JAK1: variants seen among roughly 807,000 people sequenced by gnomAD.
JAK1 encodes tyrosine-protein kinase JAK1.
JAK1 carries 16 observed loss-of-function variants against 136.6 expected under a neutral mutation model. The observed-to-expected ratio is 0.12, with a 90% CI of 0.08 to 0.18. The LOEUF is 0.18. Among genes scored for constraint, JAK1 ranks in the 10% least tolerant of loss-of-function variants. The probability of loss-of-function intolerance (pLI) is 1.00; values close to 1 mark genes in which losing one functional copy is unlikely to be tolerated. For missense variants in JAK1, 859 were observed against 1,450.1 expected (o/e 0.59, Z 6.62); for synonymous variants, 492 against 519.5 (o/e 0.95, Z 0.72).
In JAK1 at chr1:65,032,246, G is replaced by C. The variant is rs377349480; in HGVS notation, c.-78+12234C>G. ...CTCCCAAAGTGCTGGGATTACAGGCGTGAGCCACCACGCCCAGCCTAGATT... is the reference window on the plus strand; with the variant it reads ...CTCCCAAAGTGCTGGGATTACAGGCCTGAGCCACCACGCCCAGCCTAGATT... On this transcript the variant is annotated intron_variant, in intron 2 of 25. Transcript: ENST00000671954. 2.6e-5 allele frequency among the ~76,000 whole-genome samples: 4 copies of C among 151,804 alleles called. 1 individual carries two copies. The highest frequency in any genetic ancestry group is 7.3e-5 in the African/African-American group (3 of 41,312).
At chr1:65,049,918 C>T (rs1647239921) in intron 1 of JAK1, among the ~76,000 whole-genome samples, 1 of 152,112 alleles carries the variant, frequency 6.6e-6, no homozygotes, top group Non-Finnish European at 1.5e-5. Context: ...AGAGAAGTTC[C>T]CACAAAAGGT....
chr1:64,952,916 A>G (rs1646117175), intron 1 of JAK1, among the ~76,000 whole-genome samples: 1 of 152,232 alleles, frequency 6.6e-6, no homozygotes, highest in African/African-American at 2.4e-5. Context: ...ATCCTTTTAC[A>G]GATGAGGAAA....
intron 12 of JAK1, 130 bp from the exon 13 acceptor site, chr1:64,847,805 A>G: frequency 9.9e-7 from 1 of 1,008,580 alleles, no homozygotes; most frequent in South Asian, 1.7e-5. Flanking sequence ...TCCCTGCCCC[A>G]GCTCGTGGTC....
At chr1:65,058,772 T>C (rs1251673177) in intron 1 of JAK1, among the ~76,000 whole-genome samples, 2 of 152,228 alleles carry the variant, frequency 1.3e-5, no homozygotes, top group Non-Finnish European at 2.9e-5. Context: ...GTTTTCACTC[T>C]AATACATCAA....
chr1:64,929,261 T>C (rs562410251), intron 1 of JAK1, among the ~76,000 whole-genome samples: 24 of 152,358 alleles, frequency 1.6e-4, no homozygotes, highest in African/African-American at 5.3e-4. Flanking sequence ...TACATTATCA[T>C]CTGTCTTGCA....
intron 2 of JAK1, among the ~76,000 whole-genome samples, chr1:65,000,002 T>C (rs1646739338): frequency 6.6e-6 from 1 of 151,442 alleles, no homozygotes. Context: ...AGTTTTTTTT[T>C]TTTTTTTAAG....
At chr1:65,001,331 C>CCTCT (rs1646754454) in intron 2 of JAK1, among the ~76,000 whole-genome samples, 2 of 152,338 alleles carry the variant, frequency 1.3e-5, no homozygotes, top group Admixed American at 6.5e-5. Context: ...GCCCAGCCTC[C>CCTCT]GCCAGCAGAG....
chr1:64,895,207 G>A (rs1019395883), intron 1 of JAK1, among the ~76,000 whole-genome samples: 3 of 152,048 alleles, frequency 2.0e-5, no homozygotes, highest in Admixed American at 6.6e-5. Flanking sequence ...ATGATCCACC[G>A]TAAAAAATAT....
intron 1 of JAK1, among the ~76,000 whole-genome samples, chr1:64,949,080 T>A (rs1290461739): frequency 1.3e-5 from 2 of 152,184 alleles, no homozygotes; most frequent in African/African-American, 4.8e-5. Context: ...AGGCTCTTCA[T>A]ACCATGCTAA....
intron 11 of JAK1, among the ~76,000 whole-genome samples, chr1:64,851,855 A>C (rs937385944): frequency 3.3e-5 from 5 of 152,216 alleles, no homozygotes; most frequent in Non-Finnish European, 5.9e-5. Flanking sequence ...ATTTCCCTTC[A>C]CTTCCTCTTT....
intron 14 of JAK1, 128 bp from the exon 15 acceptor site, chr1:64,845,768 G>T: frequency 1.8e-6 from 2 of 1,132,032 alleles, no homozygotes; most frequent in Non-Finnish European, 2.6e-6. Context: ...CTTGGGGGGT[G>T]CAATGGTGCA....
intron 1 of JAK1, among the ~76,000 whole-genome samples, chr1:65,056,924 A>T (rs1013852865): frequency 1.7e-4 from 3 of 18,110 alleles, no homozygotes; most frequent in Admixed American, 1.0e-3. Context: ...CTCTTTCTTT[A>T]AAAAAAAAAA....
chr1:64,956,701 G>A (rs1287650956), intron 1 of JAK1, among the ~76,000 whole-genome samples: 1 of 152,200 alleles, frequency 6.6e-6, no homozygotes, highest in Non-Finnish European at 1.5e-5. Context: ...AATAGTGTCT[G>A]AAACTGTGCA....
At chr1:64,967,112 C>A (rs993618320), upstream of JAK1, among the ~76,000 whole-genome samples, 3 of 151,684 alleles carry the variant, frequency 2.0e-5, no homozygotes, top group Non-Finnish European at 2.9e-5. Context: ...TTCACTGATA[C>A]CTAATGCATG....
intron 2 of JAK1, among the ~76,000 whole-genome samples, chr1:65,034,814 C>T (rs758365192): frequency 5.3e-5 from 8 of 151,916 alleles, no homozygotes; most frequent in Non-Finnish European, 8.8e-5. Flanking sequence ...CAGCACTTTG[C>T]GAGGCCAAGG....
chr1:64,913,241 G>A (rs1012342067), intron 1 of JAK1, among the ~76,000 whole-genome samples: 2 of 151,868 alleles, frequency 1.3e-5, no homozygotes, highest in African/African-American at 2.4e-5. Context: ...CCCAGGCTGG[G>A]GTGTCCATAT....
chr1:64,901,688 G>A (rs1645107728), intron 1 of JAK1, among the ~76,000 whole-genome samples: 1 of 151,980 alleles, frequency 6.6e-6, no homozygotes. Flanking sequence ...TATTTTTTAG[G>A]TGCACAATTC....
intron 1 of JAK1, among the ~76,000 whole-genome samples, chr1:65,048,625 T>C (rs188749798): frequency 2.6e-5 from 4 of 152,332 alleles, no homozygotes; most frequent in Admixed American, 2.6e-4. Context: ...CGCTGATTCA[T>C]TTAAAATAGT....
intron 1 of JAK1, among the ~76,000 whole-genome samples, chr1:64,960,138 G>A (rs1015960491): frequency 1.3e-5 from 2 of 152,138 alleles, no homozygotes; most frequent in African/African-American, 4.8e-5. Flanking sequence ...GAGGTGGGGA[G>A]GATTGCTTGA....
Sources: gnomAD v4.1 joint callset for allele counts (sites outside exome capture counted in the v4.1 genomes callset) on GRCh38, gnomAD v4.1.1 for gene constraint, MANE v1.5 for transcripts, NCBI Gene and HGNC (gene_info 2026-07-23, HGNC 2026-07-21) for gene names.